CREB5: variants seen among roughly 807,000 people sequenced by gnomAD.
CREB5 encodes cyclic AMP-responsive element-binding protein 5.
CREB5 carries 19 observed loss-of-function variants against 57.1 expected under a neutral mutation model. That is an observed-to-expected ratio of 0.33 (90% CI 0.23 to 0.49). The LOEUF is 0.49. Ranked by LOEUF, CREB5 falls within the 20% of genes least tolerant of loss-of-function variation. The probability of loss-of-function intolerance (pLI) is 0.99; values close to 1 mark genes in which losing one functional copy is unlikely to be tolerated. For missense variants in CREB5, 579 were observed against 671.6 expected (o/e 0.86, Z 1.52); for synonymous variants, 238 against 238.3 (o/e 1.00, Z 0.01).
chr7:28,443,181 A>G (rs2128561700), intron 1 of CREB5, among the ~76,000 whole-genome samples: 1 of 152,326 alleles, frequency 6.6e-6, no homozygotes, highest in East Asian at 1.9e-4. Context: ...ATGGCCAGCA[A>G]GCAGCATCAG....
rs977892434 is a variant in CREB5, at chr7:28,496,430, T to A, written c.169+1431T>A. Among the ~76,000 whole-genome samples, 6 of 152,336 alleles carry A rather than the reference T, an allele frequency of 3.9e-5. No individual in the cohort carries two copies. The South Asian group carries it at 1.2e-3, about 32-fold the overall frequency. ...AGTTCTGGGAAACATGTGCAGGCTATCACTGTTATCAATAATCCTCTAAGG... is the reference window on the plus strand; with the variant it reads ...AGTTCTGGGAAACATGTGCAGGCTAACACTGTTATCAATAATCCTCTAAGG... On this transcript the variant is annotated intron_variant, in intron 3 of 10. Transcript: ENST00000357727.
At chr7:28,475,234 C>T (rs1791009995) in intron 1 of CREB5, among the ~76,000 whole-genome samples, 3 of 137,138 alleles carry the variant, frequency 2.2e-5, no homozygotes, top group South Asian at 2.4e-4. Flanking sequence ...ACACTTCATG[C>T]GTTATTCAGA....
At chr7:28,323,472 A>G (rs1193668621) in intron 1 of CREB5, among the ~76,000 whole-genome samples, 1 of 152,084 alleles carries the variant, frequency 6.6e-6, no homozygotes, top group Non-Finnish European at 1.5e-5. Flanking sequence ...TCAGCAGTTA[A>G]TCTACCCATA....
chr7:28,804,222 C>A lies in CREB5; in HGVS notation c.726C>A (p.His242Gln). Residue 242 changes from histidine to glutamine, a missense_variant, in exon 8 of 11, where the codon CAC (histidine) becomes CAA (glutamine). By Grantham distance (24) the His-to-Gln change is conservative (BLOSUM62 0). Transcript: ENST00000357727. The part of the protein sequence containing the change: ...AKMRLKAALT[H>Q]HPAAMSNGNM... ...AGAGGTTGAAGGCTGCATTGACTCA[C>A]CACCCTGCTGCCATGTCAAATGGGA... The A allele has an allele frequency of 6.2e-7, 1 of 1,613,784 alleles. No individual in the cohort carries two copies. The highest frequency in any genetic ancestry group is 8.5e-7 in the Non-Finnish European group (1 of 1,179,688).
intron 5 of CREB5, among the ~76,000 whole-genome samples, chr7:28,609,583 ATTTTCT>A (rs1797307548): frequency 2.0e-5 from 3 of 152,100 alleles, no homozygotes; most frequent in African/African-American, 7.2e-5. Flanking sequence ...GTATGAAAAA[ATTTTCT>A]TTTTCTGTCT....
chr7:28,493,341 A>G (rs191338227), intron 2 of CREB5, among the ~76,000 whole-genome samples: 13 of 152,350 alleles, frequency 8.5e-5, no homozygotes, highest in Middle Eastern at 6.8e-3. Flanking sequence ...TACTACAAAC[A>G]TACCAGTCTG....
chr7:28,333,396 AC>A (rs1202076739), intron 1 of CREB5, among the ~76,000 whole-genome samples: 4 of 152,194 alleles, frequency 2.6e-5, no homozygotes, highest in African/African-American at 4.8e-5. Context: ...TGTGTTAAAA[AC>A]AATCCGATTA....
chr7:28,696,577 C>T (rs1235332537), intron 5 of CREB5, among the ~76,000 whole-genome samples: 1 of 152,016 alleles, frequency 6.6e-6, no homozygotes, highest in Non-Finnish European at 1.5e-5. Flanking sequence ...CTGAACCATC[C>T]GGGAAGAAAA....
intron 1 of CREB5, among the ~76,000 whole-genome samples, chr7:28,345,335 C>T (rs148536915): frequency 1.3e-5 from 2 of 148,960 alleles, no homozygotes; most frequent in Non-Finnish European, 3.0e-5. Context: ...CATGTCTTAA[C>T]AAATGTTTTA....
intron 7 of CREB5, among the ~76,000 whole-genome samples, chr7:28,793,638 C>T (rs1466532896): frequency 1.3e-5 from 2 of 152,204 alleles, no homozygotes; most frequent in African/African-American, 2.4e-5. Context: ...GTCCATCAAG[C>T]GAGCCGAGCA....
At chr7:28,662,502 G>A (rs989921969) in intron 5 of CREB5, among the ~76,000 whole-genome samples, 2 of 152,206 alleles carry the variant, frequency 1.3e-5, no homozygotes, top group African/African-American at 4.8e-5. Flanking sequence ...GCAGTGCAGG[G>A]TTGTTGATTT....
chr7:28,408,572 G>A (rs1699930921), upstream of CREB5, among the ~76,000 whole-genome samples: 1 of 152,144 alleles, frequency 6.6e-6, no homozygotes, highest in Non-Finnish European at 1.5e-5. Flanking sequence ...TGACAGCCAA[G>A]GGCCCTTTCG....
intron 5 of CREB5, among the ~76,000 whole-genome samples, chr7:28,694,161 A>G (rs1052074106): frequency 6.6e-6 from 1 of 152,150 alleles, no homozygotes; most frequent in Non-Finnish European, 1.5e-5. Flanking sequence ...TTATTTATCT[A>G]ACACTTCCGT....
chr7:28,690,247 G>T (rs758760521), intron 5 of CREB5, among the ~76,000 whole-genome samples: 1 of 152,168 alleles, frequency 6.6e-6, no homozygotes, highest in Non-Finnish European at 1.5e-5. Flanking sequence ...AGCAGGTGGA[G>T]GAGGAGAGAT....
At chr7:28,498,081 A>G (rs1293651879) in intron 3 of CREB5, among the ~76,000 whole-genome samples, 5 of 151,918 alleles carry the variant, frequency 3.3e-5, no homozygotes, top group African/African-American at 9.7e-5. Flanking sequence ...TTTTTTTCTT[A>G]AAAGATTGCT....
chr7:28,344,172 T>G (rs574432460), intron 1 of CREB5, among the ~76,000 whole-genome samples: 4 of 152,280 alleles, frequency 2.6e-5, no homozygotes, highest in Non-Finnish European at 4.4e-5. Context: ...GTTGTTTCCT[T>G]TTTTGCTTTT....
intron 1 of CREB5, among the ~76,000 whole-genome samples, chr7:28,340,731 C>T (rs2127988762): frequency 6.6e-6 from 1 of 152,294 alleles, no homozygotes; most frequent in African/African-American, 2.4e-5. Flanking sequence ...TCCTTGTAGC[C>T]TAGATTGCCT....
At chr7:28,576,570 CTG>C (rs2128653429) in intron 5 of CREB5, among the ~76,000 whole-genome samples, 1 of 152,340 alleles carries the variant, frequency 6.6e-6, no homozygotes, top group East Asian at 1.9e-4. Flanking sequence ...CTCAGTCTAT[CTG>C]TTTACAGTGT....
intron 4 of CREB5, among the ~76,000 whole-genome samples, chr7:28,522,925 C>G (rs1036348221): frequency 6.6e-6 from 1 of 152,208 alleles, no homozygotes; most frequent in Non-Finnish European, 1.5e-5. Context: ...CAGTTCCCAA[C>G]CAAGCATGGG....
Sources: gnomAD v4.1 joint callset for allele counts (sites outside exome capture counted in the v4.1 genomes callset) on GRCh38, gnomAD v4.1.1 for gene constraint, MANE v1.5 for transcripts, NCBI Gene and HGNC (gene_info 2026-07-23, HGNC 2026-07-21) for gene names.